The following CYRIB variants were observed in gnomAD, a reference collection of about 807,000 sequenced individuals.
CYRIB encodes the protein CYFIP-related Rac1 interactor B.
Under a neutral mutation model 44.2 loss-of-function variants are expected in CYRIB, and 8 were observed. The ratio of observed to expected loss-of-function variants is 0.18; its 90% confidence interval spans 0.11 to 0.33. The LOEUF (loss-of-function observed/expected upper bound fraction) is 0.33, where lower values mean the gene tolerates loss of function less well. Among genes scored for constraint, CYRIB ranks in the 10% least tolerant of loss-of-function variants. The pLI is 1.00. For missense variants in CYRIB, 185 were observed against 382.8 expected, an observed-to-expected ratio of 0.48 and a Z score of 4.31; for synonymous variants, 131 against 127.2, an observed-to-expected ratio of 1.03 and a Z score of -0.20.
chr8:129,944,245 C>G (rs559029809), upstream of CYRIB, among the ~76,000 whole-genome samples: 1 of 152,110 alleles, frequency 6.6e-6, no homozygotes, highest in African/African-American at 2.4e-5. Context: ...GCTGTGGGGT[C>G]CAGGAGAGGG....
At chr8:130,003,111 T>C (rs926902634) in intron 1 of CYRIB, among the ~76,000 whole-genome samples, 1 of 152,026 alleles carries the variant, frequency 6.6e-6, no homozygotes, top group Non-Finnish European at 1.5e-5. Context: ...AAAACTGAGG[T>C]ACTCGGGAGG....
intron 2 of CYRIB, among the ~76,000 whole-genome samples, chr8:129,954,443 G>A (rs2094679832): frequency 6.6e-6 from 1 of 152,006 alleles, no homozygotes; most frequent in Non-Finnish European, 1.5e-5. Flanking sequence ...GGCTGGTCTC[G>A]AACTCCTGAT....
chr8:129,903,570 T>C (rs1270264446), intron 1 of CYRIB, among the ~76,000 whole-genome samples: 3 of 151,296 alleles, frequency 2.0e-5, no homozygotes, highest in Non-Finnish European at 2.9e-5. Flanking sequence ...GAAACAACAA[T>C]AGGTAAGACA....
At chr8:129,969,702 T>A (rs2132116860) in intron 2 of CYRIB, among the ~76,000 whole-genome samples, 1 of 152,346 alleles carries the variant, frequency 6.6e-6, no homozygotes, top group African/African-American at 2.4e-5. Context: ...GGGCACCATA[T>A]GTAATAACTG....
At chr8:130,012,099 A>G (rs1441445502) in intron 1 of CYRIB, among the ~76,000 whole-genome samples, 3 of 152,148 alleles carry the variant, frequency 2.0e-5, no homozygotes, top group Admixed American at 1.3e-4. Flanking sequence ...CACTCTCAGC[A>G]ACACTTCTTT....
intron 1 of CYRIB, among the ~76,000 whole-genome samples, chr8:129,990,113 G>A (rs72720325): frequency 0.04 from 6,030 of 152,156 alleles, 140 homozygotes; most frequent in Middle Eastern, 0.073. Flanking sequence ...CATCTATGAA[G>A]GCACAGTTTT....
chr8:129,990,887 T>A (rs911327451), intron 1 of CYRIB, among the ~76,000 whole-genome samples: 1 of 151,952 alleles, frequency 6.6e-6, no homozygotes, highest in Non-Finnish European at 1.5e-5. Flanking sequence ...TCCTAGCACT[T>A]TTGAGGGCCA....
chr8:130,003,051 G>A (rs541667057), intron 1 of CYRIB, among the ~76,000 whole-genome samples: 1 of 152,338 alleles, frequency 6.6e-6, no homozygotes, highest in East Asian at 1.9e-4. Context: ...GGATTCTGAA[G>A]AAGCCTATGG....
intron 1 of CYRIB, among the ~76,000 whole-genome samples, chr8:129,995,116 C>A (rs1386817911): frequency 6.6e-6 from 1 of 152,062 alleles, no homozygotes; most frequent in Non-Finnish European, 1.5e-5. Flanking sequence ...TGTTGAGCAC[C>A]CCAAAATATA....
At chr8:129,970,085 T>A (rs1416910180) in intron 2 of CYRIB, among the ~76,000 whole-genome samples, 1 of 152,208 alleles carries the variant, frequency 6.6e-6, no homozygotes, top group African/African-American at 2.4e-5. Flanking sequence ...CTGATTTGGG[T>A]GGTGATTAGA....
chr8:129,963,983 C>T (rs372088901), intron 2 of CYRIB, among the ~76,000 whole-genome samples: 1 of 152,174 alleles, frequency 6.6e-6, no homozygotes, highest in East Asian at 1.9e-4. Flanking sequence ...AGATGAATAA[C>T]CTACTTACTG....
Position 129,851,456 on chromosome 8 carries a change from A to G in CYRIB, c.634-542T>C, listed in dbSNP as rs181906417. 489 of 153,902 alleles carry G rather than the reference A, an allele frequency of 3.2e-3. 1 individual carries two copies. The highest frequency in any genetic ancestry group is 4.3e-3 in the Non-Finnish European group (298 of 69,262). The allele number at this position is 153,902 out of a possible 1,614,324, so 9.5% of individuals were successfully genotyped here. A position where few individuals can be genotyped will look rare whatever the true frequency, so the allele number is the denominator to read the frequency against. ...GAATCATGATATATTAGTATTTTGGAGGGAAAGCCAATGAGACTGTTTGAT... is the reference window on the plus strand; with the variant it reads ...GAATCATGATATATTAGTATTTTGGGGGGAAAGCCAATGAGACTGTTTGAT... On this transcript the variant is annotated intron_variant, in intron 8 of 11. Coordinates refer to ENST00000519824, the Ensembl canonical transcript of CYRIB.
intron 2 of CYRIB, among the ~76,000 whole-genome samples, chr8:129,945,890 G>C (rs1310688430): frequency 6.6e-6 from 1 of 152,268 alleles, no homozygotes; most frequent in African/African-American, 2.4e-5. Flanking sequence ...CAAACCCACT[G>C]GGTAGCCATC....
In CYRIB at chr8:129,918,910, G is replaced by A. The variant is rs1456985366; in HGVS notation, c.-49-15560C>T. Among the ~76,000 whole-genome samples the A allele has an allele frequency of 5.3e-5, 8 of 152,264 alleles. No homozygotes were observed. The East Asian group carries it at 1.5e-3, about 29-fold the overall frequency. On this transcript the variant is annotated intron_variant, in intron 1 of 11. Coordinates refer to ENST00000519824, the Ensembl canonical transcript of CYRIB. ...AGGAGAGGTCAATGTATCGTTAGCAGAAAACTGGTAAAATTTAGAAAAATA... is the reference window on the plus strand; with the variant it reads ...AGGAGAGGTCAATGTATCGTTAGCAAAAAACTGGTAAAATTTAGAAAAATA...
intron 1 of CYRIB, among the ~76,000 whole-genome samples, chr8:130,011,861 A>T (rs7013619): frequency 0.56 from 83,224 of 148,968 alleles, 22,994 homozygotes; most frequent in Middle Eastern, 0.64. Context: ...AAAAATAATT[A>T]AAAAAAAAAA....
chr8:129,907,187 C>T (rs1323225471), intron 1 of CYRIB, among the ~76,000 whole-genome samples: 1 of 152,204 alleles, frequency 6.6e-6, no homozygotes, highest in Non-Finnish European at 1.5e-5. Context: ...ATAGCAAAGA[C>T]TTGGAACCAA....
intron 9 of CYRIB, 116 bp from the exon 12 acceptor site, chr8:129,849,485 T>C (rs954085730): frequency 2.1e-4 from 212 of 994,736 alleles, no homozygotes; most frequent in Non-Finnish European, 3.0e-4. Flanking sequence ...TATCCATTAG[T>C]TGAATGCAGT....
In CYRIB at chr8:129,948,153, G is replaced by A. The variant is rs59357502; in HGVS notation, c.-243+22790C>T. Among the ~76,000 whole-genome samples the A allele has an allele frequency of 8.5e-5, 13 of 152,308 alleles. No homozygotes were observed. The East Asian group carries it at 2.5e-3, about 29-fold the overall frequency. ...GCAGCCGGAAAAGCTGATGTATGACGAAGCAAGGACGATGCCTTGAAGTTC... is the reference window on the plus strand; with the variant it reads ...GCAGCCGGAAAAGCTGATGTATGACAAAGCAAGGACGATGCCTTGAAGTTC... On this transcript the variant is annotated intron_variant, in intron 2 of 14. Coordinates refer to the CYRIB transcript ENST00000401979.
At chr8:129,842,253 A>G in intron 11 of CYRIB, 48 bp from the exon 14 acceptor site, 1 of 1,335,852 alleles carries the variant, frequency 7.5e-7, no homozygotes, top group East Asian at 2.3e-5. Context: ...TTAAAAAATA[A>G]TCAGCATCGG....
Sources: gnomAD v4.1 joint callset for allele counts (sites outside exome capture counted in the v4.1 genomes callset) on GRCh38, gnomAD v4.1.1 for gene constraint, MANE v1.5 for transcripts, NCBI Gene and HGNC (gene_info 2026-07-23, HGNC 2026-07-21) for gene names.